Variants in SCFD2 observed in about 807,000 individuals in gnomAD.
The protein encoded by SCFD2 is sec1 family domain containing 2, also known as sec1 family domain-containing protein 2.
A neutral mutation model predicts 58.9 loss-of-function variants in SCFD2; 54 were observed. The ratio of observed to expected loss-of-function variants is 0.92; its 90% CI spans 0.74 to 1.15. The LOEUF (loss-of-function observed/expected upper bound fraction) is 1.15. Among genes scored for constraint, SCFD2 ranks in the 50% most tolerant of loss-of-function variants. The pLI is 0.00. For missense variants in SCFD2, 805 were observed against 836.6 expected (o/e 0.96, Z 0.47); for synonymous variants, 321 against 335.9 (o/e 0.96, Z 0.49).
intron 4 of SCFD2, among the ~76,000 whole-genome samples, chr4:53,271,605 G>A (rs2149066344): frequency 6.6e-6 from 1 of 152,138 alleles, no homozygotes; most frequent in African/African-American, 2.4e-5. Context: ...TGGGACTACA[G>A]AGGACCGCCA....
intron 4 of SCFD2, among the ~76,000 whole-genome samples, chr4:53,200,045 C>T (rs1375581378): frequency 6.6e-6 from 1 of 151,994 alleles, no homozygotes; most frequent in Non-Finnish European, 1.5e-5. Context: ...GAAGGTCCCA[C>T]CCTCATGACC....
intron 5 of SCFD2, among the ~76,000 whole-genome samples, chr4:53,132,976 A>G (rs978776689): frequency 1.1e-4 from 17 of 152,190 alleles, no homozygotes; most frequent in African/African-American, 3.9e-4. Context: ...AAGAATGCAG[A>G]GGTGATAATA....
chr4:53,242,850 A>G (rs1220866457), intron 4 of SCFD2, among the ~76,000 whole-genome samples: 1 of 152,242 alleles, frequency 6.6e-6, no homozygotes, highest in Admixed American at 6.5e-5. Flanking sequence ...ACAAGTACTA[A>G]CAACAGACTA....
intron 4 of SCFD2, among the ~76,000 whole-genome samples, chr4:53,147,281 G>A (rs1258418610): frequency 6.6e-6 from 1 of 152,178 alleles, no homozygotes; most frequent in African/African-American, 2.4e-5. Context: ...TCTTTTTGAA[G>A]AGAAAGTTAA....
intron 2 of SCFD2, among the ~76,000 whole-genome samples, chr4:53,324,579 G>A (rs1214635106): frequency 6.6e-6 from 1 of 152,162 alleles, no homozygotes; most frequent in African/African-American, 2.4e-5. Context: ...GAGGCAGAGG[G>A]AACAAGGGAA....
chr4:53,322,550 C>T (rs1317843306), intron 2 of SCFD2, among the ~76,000 whole-genome samples: 1 of 152,148 alleles, frequency 6.6e-6, no homozygotes, highest in Admixed American at 6.5e-5. Flanking sequence ...TCTATCAGCC[C>T]ATTAATGATT....
chr4:53,339,027 A>T (rs547296875), intron 2 of SCFD2, among the ~76,000 whole-genome samples: 1 of 152,174 alleles, frequency 6.6e-6, no homozygotes, highest in Admixed American at 6.5e-5. Context: ...AGCTAAAGGA[A>T]TTTCTCTAAA....
At chr4:53,252,106 C>G (rs1361841559) in intron 4 of SCFD2, among the ~76,000 whole-genome samples, 2 of 148,214 alleles carry the variant, frequency 1.3e-5, no homozygotes, top group South Asian at 4.4e-4. Context: ...AAACAGAGAG[C>G]CAAATCATGA....
intron 4 of SCFD2, among the ~76,000 whole-genome samples, chr4:53,157,717 T>C (rs1726732578): frequency 6.6e-6 from 1 of 152,222 alleles, no homozygotes. Context: ...ATTTTCTCAG[T>C]ATTAATTTCT....
chr4:53,230,772 A>G (rs1417546727), intron 4 of SCFD2, among the ~76,000 whole-genome samples: 1 of 152,228 alleles, frequency 6.6e-6, no homozygotes, highest in African/African-American at 2.4e-5. Context: ...AAAGTATAAT[A>G]ATAAAATTTA....
Position 52,948,145 on chromosome 4 carries a change from G to A in SCFD2, c.1562-27275C>T, listed in dbSNP as rs115709526. On this transcript the variant is annotated intron_variant, in intron 5 of 8. Transcript: ENST00000401642. ...AGCAGAGGCTGGAACCCTGAGGTGG[G>A]AGAGTGTAGTGTTGTAAATAAAATA... 894 of 166,034 alleles carry A rather than the reference G, an allele frequency of 5.4e-3. 9 individuals carry two copies. The highest frequency in any genetic ancestry group is 0.021 in the African/African-American group (865 of 41,860). The allele number at this position is 166,034 out of a possible 1,614,324, so 10.3% of individuals were successfully genotyped here.
At chr4:53,175,971 T>C (rs1727316446) in intron 4 of SCFD2, among the ~76,000 whole-genome samples, 1 of 152,206 alleles carries the variant, frequency 6.6e-6, no homozygotes, top group Admixed American at 6.5e-5. Context: ...ATGATTCTTC[T>C]CCCATTCCAT....
chr4:53,249,608 C>A (rs1390883574), intron 4 of SCFD2, among the ~76,000 whole-genome samples: 1 of 152,134 alleles, frequency 6.6e-6, no homozygotes, highest in African/African-American at 2.4e-5. Context: ...GCAGATCTCT[C>A]GGCAAAAACT....
chr4:53,350,639 T>G (rs558064515), intron 2 of SCFD2, among the ~76,000 whole-genome samples: 3 of 152,230 alleles, frequency 2.0e-5, no homozygotes, highest in African/African-American at 7.2e-5. Context: ...TTAAATCTAT[T>G]CAAGAGCCTA....
chr4:53,028,552 A>ACTTATTCAATAGAGTGCTT (rs555987550), intron 5 of SCFD2, among the ~76,000 whole-genome samples: 3 of 152,278 alleles, frequency 2.0e-5, no homozygotes, highest in Admixed American at 1.3e-4. Context: ...GCTCAATGCT[A>ACTTATTCAATAGAGTGCTT]CTTATTCAAT....
intron 3 of SCFD2, among the ~76,000 whole-genome samples, chr4:53,275,945 A>G (rs1306843964): frequency 6.6e-6 from 1 of 151,970 alleles, no homozygotes; most frequent in Non-Finnish European, 1.5e-5. Context: ...TCACTAGTTA[A>G]TGAGTATTTG....
At chr4:52,934,324 G>A (rs1720076909) in intron 5 of SCFD2, among the ~76,000 whole-genome samples, 1 of 152,204 alleles carries the variant, frequency 6.6e-6, no homozygotes, top group Non-Finnish European at 1.5e-5. Context: ...GTTTCACTGT[G>A]AGCTCATAAA....
chr4:52,893,670 G>A (rs1456877179), intron 7 of SCFD2, among the ~76,000 whole-genome samples: 1 of 152,210 alleles, frequency 6.6e-6, no homozygotes, highest in Non-Finnish European at 1.5e-5. Context: ...GACCCAGGGT[G>A]GGCCAACTAG....
At chr4:53,142,177 T>A (rs1455681564) in intron 5 of SCFD2, among the ~76,000 whole-genome samples, 1 of 152,218 alleles carries the variant, frequency 6.6e-6, no homozygotes, top group Non-Finnish European at 1.5e-5. Context: ...CCACCAAACA[T>A]GATTCAACTA....
Sources: allele counts gnomAD v4.1 joint callset (sites outside exome capture counted in the v4.1 genomes callset), GRCh38; gene constraint gnomAD v4.1.1; transcripts MANE v1.5; gene names NCBI Gene and HGNC (gene_info 2026-07-23, HGNC 2026-07-21).